The following SNAP23 variants were observed in gnomAD, a reference collection of about 807,000 sequenced individuals.
The protein encoded by SNAP23 is synaptosome associated protein 23, also known as synaptosomal-associated protein 23.
A neutral mutation model predicts 29.0 loss-of-function variants in SNAP23; 11 were observed. The observed-to-expected ratio is 0.38, with a 90% CI of 0.24 to 0.63. The LOEUF (loss-of-function observed/expected upper bound fraction) is 0.63. Among genes scored for constraint, SNAP23 ranks in the 20% least tolerant of loss-of-function variants. The pLI, the probability that SNAP23 is intolerant of heterozygous loss-of-function variation, is 0.58. For missense variants in SNAP23, 220 were observed against 253.9 expected (o/e 0.87, Z 0.91); for synonymous variants, 60 against 82.9 (o/e 0.72, Z 1.50).
At chr15:42,502,397 C>T (rs750201739) in intron 1 of SNAP23, among the ~76,000 whole-genome samples, 8 of 152,182 alleles carry the variant, frequency 5.3e-5, no homozygotes, top group Non-Finnish European at 1.0e-4. Flanking sequence ...CAGAAAGCAT[C>T]AAAGTGGCTG....
chr15:42,521,586 C>T, intron 5 of SNAP23: 1 of 1,531,496 alleles, frequency 6.5e-7, no homozygotes. Context: ...TAATCTCTTC[C>T]TTTCTAATCT....
At chr15:42,524,139 G>C (rs1218790758) in intron 5 of SNAP23, among the ~76,000 whole-genome samples, 1 of 151,940 alleles carries the variant, frequency 6.6e-6, no homozygotes, top group Non-Finnish European at 1.5e-5. Flanking sequence ...TTTTAATCCT[G>C]ACATGTCCCT....
At chr15:42,514,292 C>T (rs553336366) in intron 4 of SNAP23, among the ~76,000 whole-genome samples, 1 of 152,160 alleles carries the variant, frequency 6.6e-6, no homozygotes, top group African/African-American at 2.4e-5. Context: ...AGGTGTCCAC[C>T]ACCACACCCA....
At chr15:42,513,261 A>G (rs565886511) in intron 3 of SNAP23, 138 bp from the exon 4 acceptor site, 1 of 832,724 alleles carries the variant, frequency 1.2e-6, no homozygotes, top group Admixed American at 1.9e-5. Context: ...TGTTAGTTTA[A>G]GAATACTAGT....
chr15:42,525,265 G>A (rs2057489353), intron 5 of SNAP23, among the ~76,000 whole-genome samples: 1 of 151,204 alleles, frequency 6.6e-6, no homozygotes, highest in Non-Finnish European at 1.5e-5. Flanking sequence ...CTATTCGGGA[G>A]GCTGAGGCAG....
chr15:42,519,931 T>A (rs1376709541), intron 5 of SNAP23, among the ~76,000 whole-genome samples: 1 of 152,106 alleles, frequency 6.6e-6, no homozygotes, highest in Non-Finnish European at 1.5e-5. Context: ...GTTAATTTAA[T>A]CCTTAAACAG....
chr15:42,524,622 C>T (rs2057480458), intron 5 of SNAP23, among the ~76,000 whole-genome samples: 1 of 152,170 alleles, frequency 6.6e-6, no homozygotes, highest in Non-Finnish European at 1.5e-5. Context: ...ATCCCCTGGT[C>T]CCCATTCGTG....
intron 1 of SNAP23, among the ~76,000 whole-genome samples, chr15:42,498,785 A>C (rs1249196099): frequency 6.6e-6 from 1 of 152,200 alleles, no homozygotes; most frequent in African/African-American, 2.4e-5. Context: ...AAATAAGAGA[A>C]ACACCTTACA....
chr15:42,491,906 TTAG>T (rs2057168939), upstream of SNAP23, among the ~76,000 whole-genome samples: 1 of 126,052 alleles, frequency 7.9e-6, no homozygotes, highest in Non-Finnish European at 1.9e-5. Flanking sequence ...ATTTATTTAG[TTAG>T]TTAGTTAGTT....
Position 42,531,420 on chromosome 15 carries a change from C to G in SNAP23, c.578C>G (p.Thr193Ser). 1.3e-6 allele frequency: 2 copies of G among 1,572,980 alleles called. No homozygotes were observed. Among genetic ancestry groups the G allele is most frequent in the East Asian group, 4.7e-5 (2 of 42,824 alleles). The change falls in exon 8 of 8, where the codon ACC (threonine) becomes AGC (serine). Residue 193 changes from threonine (T) to serine (S), a missense_variant. Physicochemically the swap from Thr to Ser is moderately conservative, Grantham distance 58. Coordinates refer to ENST00000249647, the MANE Select transcript of SNAP23 (RefSeq NM_003825.4). ...QIKRITDKAD[T>S]NRDRIDIANA... is the part of the protein sequence containing the mutation. ...ATCTTTCTTGTTTTTCAGGCTGACACCAACAGAGATCGTATTGATATTGCC... is the reference window on the plus strand; with the variant it reads ...ATCTTTCTTGTTTTTCAGGCTGACAGCAACAGAGATCGTATTGATATTGCC...
At chr15:42,524,704 C>G (rs2057481681) in intron 5 of SNAP23, among the ~76,000 whole-genome samples, 1 of 152,204 alleles carries the variant, frequency 6.6e-6, no homozygotes, top group African/African-American at 2.4e-5. Flanking sequence ...CACTCTGATA[C>G]TCAGTCAAGT....
chr15:42,518,992 A>C lies in SNAP23; in HGVS notation c.266+3638A>C, dbSNP rs376665755. Among the ~76,000 whole-genome samples, 31 of 151,844 alleles carry C rather than the reference A, an allele frequency of 2.0e-4. No individual in the cohort carries two copies. In the East Asian group the frequency reaches 3.9e-3, roughly 19 times the overall value. On this transcript the variant is annotated intron_variant, in intron 5 of 7. Coordinates refer to ENST00000249647, the MANE Select transcript of SNAP23 (RefSeq NM_003825.4). ...ATCCCCCCACCTCAGCCTCATGAGT[A>C]GCTGGGACTACAGGTGCATGTCACC...
At chr15:42,496,207 G>A (rs1292614658) in intron 1 of SNAP23, among the ~76,000 whole-genome samples, 4 of 152,094 alleles carry the variant, frequency 2.6e-5, no homozygotes, top group African/African-American at 9.7e-5. Flanking sequence ...AGTGGTGGGG[G>A]GAAAAAGTAC....
intron 1 of SNAP23, among the ~76,000 whole-genome samples, chr15:42,503,272 G>T (rs2057290550): frequency 6.6e-6 from 1 of 152,078 alleles, no homozygotes; most frequent in Non-Finnish European, 1.5e-5. Context: ...TGCGATCTCG[G>T]CTAACTGCAA....
At position 42,529,694 on chromosome 15, in the gene SNAP23, G is replaced by A; in HGVS notation, c.445G>A (p.Glu149Lys). The A allele has an allele frequency of 6.2e-7, 1 of 1,614,034 alleles. No individual in the cohort carries two copies. The highest frequency in any genetic ancestry group is 8.5e-7 in the Non-Finnish European group (1 of 1,179,962). The stretch of plus-strand genomic sequence containing the variant: ...TGATAGCATAACTAATGATGCCAGA[G>A]AAGATGAAATGGAAGAGAACCTGAC... ...YIKRITNDAR[E>K]DEMEENLTQV... is the part of the protein sequence containing the mutation. Residue 149 changes from glutamate (E) to lysine (K), a missense_variant, in exon 7 of 8, where the codon GAA becomes AAA. Physicochemically the swap from Glu to Lys is moderately conservative, Grantham distance 56. Transcript: ENST00000249647.
At chr15:42,530,632 C>T (rs1426198000) in intron 7 of SNAP23, among the ~76,000 whole-genome samples, 6 of 152,116 alleles carry the variant, frequency 3.9e-5, no homozygotes, top group Non-Finnish European at 8.8e-5. Context: ...TGCCTATTGT[C>T]CCAGTTACTC....
At chr15:42,510,401 G>C (rs2057350818) in intron 1 of SNAP23, among the ~76,000 whole-genome samples, 1 of 152,114 alleles carries the variant, frequency 6.6e-6, no homozygotes, top group South Asian at 2.1e-4. Context: ...CTCCCAAAGT[G>C]CTAGGATTCC....
intron 1 of SNAP23, among the ~76,000 whole-genome samples, chr15:42,498,223 G>T (rs2057239909): frequency 6.6e-6 from 1 of 152,326 alleles, no homozygotes; most frequent in South Asian, 2.1e-4. Context: ...ATTCTGGGGG[G>T]TGGGCGGTGT....
At chr15:42,505,972 T>C (rs1418512775) in intron 1 of SNAP23, among the ~76,000 whole-genome samples, 1 of 151,396 alleles carries the variant, frequency 6.6e-6, no homozygotes, top group Non-Finnish European at 1.5e-5. Context: ...TGAGACAGAG[T>C]CTTGCTCTTG....
Sources: allele counts gnomAD v4.1 joint callset (sites outside exome capture counted in the v4.1 genomes callset), GRCh38; gene constraint gnomAD v4.1.1; transcripts MANE v1.5; gene names NCBI Gene and HGNC (gene_info 2026-07-23, HGNC 2026-07-21).